Variants in FMO4 observed in about 807,000 individuals in gnomAD.
FMO4 encodes the protein dimethylaniline monooxygenase [N-oxide-forming] 4.
In FMO4, 38 loss-of-function variants were observed where a neutral mutation model predicts 43.3. That is an observed-to-expected ratio of 0.88 (90% CI 0.68 to 1.15). FMO4 has a LOEUF of 1.15. Among genes scored for constraint, FMO4 ranks in the 50% most tolerant of loss-of-function variants. The pLI is 0.00. For missense variants in FMO4, 631 were observed against 663.3 expected, an observed-to-expected ratio of 0.95 and a Z score of 0.54; for synonymous variants, 224 against 232.2, an observed-to-expected ratio of 0.96 and a Z score of 0.32.
intron 5 of FMO4, among the ~76,000 whole-genome samples, chr1:171,327,499 A>T (rs1662716613): frequency 6.6e-6 from 1 of 152,138 alleles, no homozygotes; most frequent in Non-Finnish European, 1.5e-5. Context: ...CAGCAGTGCA[A>T]AACAAAAACA....
At chr1:171,319,437 C>G (rs143048863) in intron 2 of FMO4, among the ~76,000 whole-genome samples, 1 of 152,302 alleles carries the variant, frequency 6.6e-6, no homozygotes, top group Non-Finnish European at 1.5e-5. Flanking sequence ...GGTGCAAAAA[C>G]AGGAATGCCT....
chr1:171,335,227 TACTG>T (rs1420499641), intron 8 of FMO4, among the ~76,000 whole-genome samples: 3 of 152,232 alleles, frequency 2.0e-5, no homozygotes, highest in African/African-American at 7.2e-5. Context: ...AGAGCATAGA[TACTG>T]GAGTCAGAGC....
At chr1:171,338,805 C>T (rs1663227455) in intron 9 of FMO4, among the ~76,000 whole-genome samples, 1 of 152,170 alleles carries the variant, frequency 6.6e-6, no homozygotes. Flanking sequence ...ATAATGTATT[C>T]ATTTCCCCCA....
intron 3 of FMO4, among the ~76,000 whole-genome samples, chr1:171,320,832 A>G (rs184962555): frequency 6.6e-4 from 99 of 149,560 alleles, no homozygotes; most frequent in East Asian, 4.4e-3. Context: ...AATGAAAAAC[A>G]AACAAAAAAA....
chr1:171,338,261 C>A (rs1663203257), intron 9 of FMO4, among the ~76,000 whole-genome samples: 1 of 152,116 alleles, frequency 6.6e-6, no homozygotes, highest in Non-Finnish European at 1.5e-5. Context: ...CAGACCAGAC[C>A]ACCAACATCT....
intron 5 of FMO4, among the ~76,000 whole-genome samples, chr1:171,328,649 CA>C (rs1286478526): frequency 0.051 from 6,763 of 131,328 alleles, 140 homozygotes; most frequent in Non-Finnish European, 0.066. Flanking sequence ...GACCCTGTCT[CA>C]AAAAAAAAAA....
At chr1:171,314,944 T>G (rs1319286350) in intron 1 of FMO4, among the ~76,000 whole-genome samples, 1 of 152,162 alleles carries the variant, frequency 6.6e-6, no homozygotes, top group Non-Finnish European at 1.5e-5. Flanking sequence ...GTTTTCCCGT[T>G]GTACAAAGGT....
intron 9 of FMO4, 120 bp from the exon 10 acceptor site, chr1:171,341,293 T>C (rs576813212): frequency 2.2e-5 from 15 of 686,080 alleles, no homozygotes; most frequent in South Asian, 6.0e-5. Flanking sequence ...CATTCCCAAA[T>C]ATGGTTTGAT....
chr1:171,328,438 G>C (rs1662758988), intron 5 of FMO4, among the ~76,000 whole-genome samples: 2 of 151,882 alleles, frequency 1.3e-5, no homozygotes, highest in African/African-American at 4.8e-5. Context: ...ATCACTTGAG[G>C]CCAGGAGTTT....
Position 171,319,914 on chromosome 1 carries a change from G to C in FMO4, c.89G>C (p.Cys30Ser). ...CCVDEDLEPT[C>S]FERSDDIGGL... ...GTGGATGAGGACCTGGAGCCCACCT[G>C]CTTTGAGAGAAGTGATGACATTGGG... Residue 30 changes from cysteine to serine, a missense_variant, in exon 3 of 10, where the codon TGC becomes TCC. Transcript: ENST00000367749. 6.2e-7 allele frequency: 1 copy of C among 1,613,890 alleles called. No homozygotes were observed. Among genetic ancestry groups the C allele is most frequent in the Non-Finnish European group, 8.5e-7 (1 of 1,179,822 alleles).
intron 3 of FMO4, 120 bp downstream of exon 3, chr1:171,320,077 C>T: frequency 9.6e-7 from 1 of 1,045,950 alleles, no homozygotes; most frequent in South Asian, 1.4e-5. Flanking sequence ...ACGGCACAAA[C>T]AAGTGCATAA....
chr1:171,329,011 C>T (rs972218966), intron 5 of FMO4, among the ~76,000 whole-genome samples: 1 of 152,174 alleles, frequency 6.6e-6, no homozygotes, highest in Non-Finnish European at 1.5e-5. Context: ...AAGCTTCTCC[C>T]TCCACCGTCT....
intron 4 of FMO4, 45 bp downstream of exon 4, chr1:171,323,237 C>A: frequency 7.9e-7 from 1 of 1,268,296 alleles, no homozygotes; most frequent in Non-Finnish European, 1.1e-6. Flanking sequence ...GGGGGCTGGC[C>A]TATTCAGCAA....
At chr1:171,321,755 C>T (rs1662438721) in intron 3 of FMO4, among the ~76,000 whole-genome samples, 1 of 151,986 alleles carries the variant, frequency 6.6e-6, no homozygotes. Flanking sequence ...TCTGCCAGGA[C>T]ACAATGATAA....
intron 5 of FMO4, among the ~76,000 whole-genome samples, chr1:171,325,957 C>A (rs1039117991): frequency 3.6e-5 from 5 of 139,322 alleles, no homozygotes; most frequent in African/African-American, 1.4e-4. Context: ...AAGCAATCTT[C>A]CTGCCTCAGC....
chr1:171,326,962 T>C (rs1662693198), intron 5 of FMO4, among the ~76,000 whole-genome samples: 1 of 152,250 alleles, frequency 6.6e-6, no homozygotes, highest in African/African-American at 2.4e-5. Flanking sequence ...TGCATTGACA[T>C]AATCATTGAC....
At position 171,319,850 on chromosome 1, in the gene FMO4, G is replaced by A. The variant is rs138281959; in HGVS notation, c.25G>A (p.Gly9Arg). The A allele has an allele frequency of 1.2e-6, 2 of 1,613,870 alleles. No individual in the cohort carries two copies. The highest frequency in any genetic ancestry group is 1.7e-6 in the Non-Finnish European group (2 of 1,179,778). The change falls in exon 3 of 10, where the codon GGA (glycine) becomes AGA (arginine). Residue 9 changes from glycine (G) to arginine (R), a missense_variant. Coordinates refer to ENST00000367749, the MANE Select transcript of FMO4 (RefSeq NM_002022.3). ...CATGGCCAAGAAAGTTGCAGTGATT[G>A]GAGCTGGTGTGAGTGGCCTCTCCTC... is the stretch of plus-strand genomic sequence containing the variant. The part of the protein sequence containing the change: MAKKVAVI[G>R]AGVSGLSSIK...
At chr1:171,336,743 A>G (rs912311688) in intron 8 of FMO4, among the ~76,000 whole-genome samples, 1 of 152,092 alleles carries the variant, frequency 6.6e-6, no homozygotes, top group African/African-American at 2.4e-5. Context: ...AGCTGGAACT[A>G]TAAGCCCATG....
At chr1:171,330,165 T>C (rs759011125) in intron 5 of FMO4, among the ~76,000 whole-genome samples, 1 of 152,210 alleles carries the variant, frequency 6.6e-6, no homozygotes, top group Non-Finnish European at 1.5e-5. Context: ...AATTTAATCT[T>C]TGTATATTGA....
Sources: gnomAD v4.1 joint callset for allele counts (sites outside exome capture counted in the v4.1 genomes callset) on GRCh38, gnomAD v4.1.1 for gene constraint, MANE v1.5 for transcripts, NCBI Gene and HGNC (gene_info 2026-07-23, HGNC 2026-07-21) for gene names.